TASP1: variants seen among roughly 807,000 people sequenced by gnomAD.
The protein encoded by TASP1 is taspase 1.
A neutral mutation model predicts 56.6 loss-of-function variants in TASP1; 16 were observed. That is an observed-to-expected ratio of 0.28 (90% CI 0.19 to 0.43). TASP1 has a LOEUF of 0.43. Among genes scored for constraint, TASP1 ranks in the 20% least tolerant of loss-of-function variants. The probability of loss-of-function intolerance (pLI) is 1.00; values close to 1 mark genes in which losing one functional copy is unlikely to be tolerated. For synonymous variants in TASP1, 179 were observed against 184.2 expected (o/e 0.97, Z 0.23); for missense variants, 393 against 511.6 (o/e 0.77, Z 2.24).
intron 4 of TASP1, among the ~76,000 whole-genome samples, chr20:13,598,443 T>C (rs1234578419): frequency 6.6e-6 from 1 of 152,216 alleles, no homozygotes; most frequent in East Asian, 1.9e-4. Flanking sequence ...AATGATTCCC[T>C]ATTTAATAAA....
intron 4 of TASP1, among the ~76,000 whole-genome samples, chr20:13,621,473 G>A (rs1348430115): frequency 6.6e-6 from 1 of 152,006 alleles, no homozygotes; most frequent in Non-Finnish European, 1.5e-5. Flanking sequence ...AAGTTGAGGT[G>A]TGGGATGTAC....
chr20:13,446,020 A>G (rs996952370), intron 11 of TASP1, among the ~76,000 whole-genome samples: 1 of 152,176 alleles, frequency 6.6e-6, no homozygotes, highest in African/African-American at 2.4e-5. Context: ...TGGTGGTCTC[A>G]AGTCATCTAT....
chr20:13,270,588 C>T, the TASP1 span: 2 of 1,613,972 alleles, frequency 1.2e-6, no homozygotes, highest in Non-Finnish European at 1.7e-6. Context: ...TCTGGACCAC[C>T]AGGCTGCACA....
chr20:13,362,951 G>T, the TASP1 span, among the ~76,000 whole-genome samples: 1 of 151,552 alleles, frequency 6.6e-6, no homozygotes, highest in African/African-American at 2.4e-5. Flanking sequence ...CTCTGTCCTG[G>T]TTCCTGAGAC....
intron 5 of TASP1, among the ~76,000 whole-genome samples, chr20:13,586,821 C>T (rs1164784755): frequency 2.6e-5 from 4 of 151,514 alleles, no homozygotes; most frequent in Admixed American, 2.0e-4. Flanking sequence ...AATACAGGCA[C>T]AAAATAAAAC....
the TASP1 span, among the ~76,000 whole-genome samples, chr20:13,153,137 T>G: frequency 6.6e-6 from 1 of 152,350 alleles, no homozygotes; most frequent in East Asian, 1.9e-4. Flanking sequence ...CTATTCATTC[T>G]TATTGAGCAA....
downstream of TASP1, among the ~76,000 whole-genome samples, chr20:13,387,384 T>C (rs759468830): frequency 5.9e-5 from 9 of 151,950 alleles, no homozygotes; most frequent in Non-Finnish European, 1.3e-4. Context: ...TTAGTAGAGA[T>C]GGGGTTTCAC....
At chr20:13,305,406 G>A in the TASP1 span, among the ~76,000 whole-genome samples, 1 of 152,130 alleles carries the variant, frequency 6.6e-6, no homozygotes, top group African/African-American at 2.4e-5. Context: ...CAAAACCCCT[G>A]TGAGTGTCAA....
intron 8 of TASP1, among the ~76,000 whole-genome samples, chr20:13,557,247 AT>A (rs1345759276): frequency 6.6e-6 from 1 of 152,250 alleles, no homozygotes. Flanking sequence ...ATTAATGTGT[AT>A]TTATATTAGG....
chr20:13,562,798 GT>G (rs2046385373), intron 7 of TASP1, among the ~76,000 whole-genome samples: 1 of 150,566 alleles, frequency 6.6e-6, no homozygotes, highest in South Asian at 2.1e-4. Context: ...AATCATCTTA[GT>G]CTGGGCAGTC....
chr20:13,280,155 G>C, the TASP1 span, among the ~76,000 whole-genome samples: 5 of 151,972 alleles, frequency 3.3e-5, no homozygotes, highest in African/African-American at 1.2e-4. Context: ...AGGATCTTTG[G>C]GGTTCTTTCT....
the TASP1 span, among the ~76,000 whole-genome samples, chr20:13,357,330 T>G: frequency 6.6e-6 from 1 of 151,760 alleles, no homozygotes; most frequent in African/African-American, 2.4e-5. Context: ...CCCACCCCAA[T>G]TAGGCTACGA....
At chr20:13,212,498 C>T in the TASP1 span, among the ~76,000 whole-genome samples, 1 of 152,050 alleles carries the variant, frequency 6.6e-6, no homozygotes, top group African/African-American at 2.4e-5. Context: ...ACGTTGTTAA[C>T]TCACAGAAAC....
chr20:13,423,803 GA>G (rs2042528275), intron 12 of TASP1, among the ~76,000 whole-genome samples: 1 of 152,008 alleles, frequency 6.6e-6, no homozygotes, highest in African/African-American at 2.4e-5. Flanking sequence ...TAAAAATCTT[GA>G]TTACCCTGTT....
At chr20:13,139,237 C>T in the TASP1 span, among the ~76,000 whole-genome samples, 1 of 152,030 alleles carries the variant, frequency 6.6e-6, no homozygotes, top group Non-Finnish European at 1.5e-5. Flanking sequence ...ATTTGGGTTT[C>T]TTTTTACAGA....
the TASP1 span, among the ~76,000 whole-genome samples, chr20:13,361,995 C>T: frequency 6.0e-3 from 908 of 150,540 alleles, 7 homozygotes; most frequent in African/African-American, 0.022. Flanking sequence ...TCCAGGCCAT[C>T]ACCAATCATT....
the TASP1 span, among the ~76,000 whole-genome samples, chr20:13,383,358 G>A: frequency 6.6e-6 from 1 of 152,196 alleles, no homozygotes; most frequent in South Asian, 2.1e-4. Context: ...ACACTTTAAA[G>A]GAAAGCCAAC....
intron 8 of TASP1, 76 bp downstream of exon 8, chr20:13,558,932 G>T: frequency 3.3e-6 from 3 of 905,798 alleles, no homozygotes; most frequent in Admixed American, 2.6e-5. Context: ...GAATTGTATC[G>T]TCCTAAAGCT....
rs186647584 is a variant in TASP1, at chr20:13,568,597, C to A, written c.568+910G>T. ...AATTTCTAGTTACTTCATAACATTT[C>A]ATTATAAGAATATATGATCATTTAT... On this transcript the variant is annotated intron_variant, in intron 7 of 13. Coordinates refer to ENST00000337743, the MANE Select transcript of TASP1 (RefSeq NM_017714.3). 3.9e-3 allele frequency among the ~76,000 whole-genome samples: 594 copies of A among 152,162 alleles called. 3 individuals carry two copies. Among genetic ancestry groups the A allele is most frequent in the Non-Finnish European group, 7.2e-3 (493 of 68,010 alleles).
Sources: allele counts gnomAD v4.1 joint callset (sites outside exome capture counted in the v4.1 genomes callset), GRCh38; gene constraint gnomAD v4.1.1; transcripts MANE v1.5; gene names NCBI Gene and HGNC (gene_info 2026-07-23, HGNC 2026-07-21).